ARHGEF11: variants seen among roughly 807,000 people sequenced by gnomAD.
The protein encoded by ARHGEF11 is Rho guanine nucleotide exchange factor 11.
In ARHGEF11, 55 loss-of-function variants were observed where a neutral mutation model predicts 193.7. That is an observed-to-expected ratio of 0.28 (90% CI 0.23 to 0.36). The LOEUF is 0.36. Ranked by LOEUF, ARHGEF11 falls within the 10% of genes least tolerant of loss-of-function variation. The pLI, the probability that ARHGEF11 is intolerant of heterozygous loss-of-function variation, is 1.00. For synonymous variants in ARHGEF11, 693 were observed against 768.0 expected, an observed-to-expected ratio of 0.90 and a Z score of 1.62; for missense variants, 1,723 against 2,005.6, an observed-to-expected ratio of 0.86 and a Z score of 2.69.
chr1:156,938,727 T>C lies in ARHGEF11; in HGVS notation c.4097-214A>G, dbSNP rs1571129389. 4 of 507,988 alleles carry C rather than the reference T, an allele frequency of 7.9e-6. No homozygotes were observed. In the East Asian group the frequency reaches 9.8e-5, roughly 13 times the overall value. The allele number at this position is 507,988 out of a possible 1,614,324, so 31.5% of individuals were successfully genotyped here. A position where few individuals can be genotyped will look rare whatever the true frequency, so the allele number is the denominator to read the frequency against. ...CGAGAGACAGAGAAGGAAGGTCAGTTCCCAGAAACCCAGGAGACAGGTGGC... is the reference window on the plus strand; with the variant it reads ...CGAGAGACAGAGAAGGAAGGTCAGTCCCCAGAAACCCAGGAGACAGGTGGC... On this transcript the variant is annotated intron_variant, in intron 37 of 40. Transcript: ENST00000368194.
Position 156,944,111 on chromosome 1 carries a change from G to A in ARHGEF11, c.3068-9C>T, listed in dbSNP as rs755590829. On this transcript the variant is annotated splice_polypyrimidine_tract_variant and intron_variant, in intron 31 of 40. Transcript: ENST00000368194. The stretch of plus-strand genomic sequence containing the variant: ...CAGCAGCACGTGGAGGTCTGGAGGG[G>A]TATGGTCATGGGAAGGTGTTCCCTG... The A allele has an allele frequency of 1.2e-6, 2 of 1,612,418 alleles. No individual in the cohort carries two copies. Among genetic ancestry groups the A allele is most frequent in the Admixed American group, 3.3e-5 (2 of 59,870 alleles).
rs1658192502 is a variant in ARHGEF11 at position 156,946,689 on chromosome 1, C to T, written c.2667G>A (p.Lys889=). The T allele has an allele frequency of 1.9e-6, 3 of 1,614,210 alleles. No individual in the cohort carries two copies. The highest frequency in any genetic ancestry group is 2.5e-6 in the Non-Finnish European group (3 of 1,180,046). The change falls in exon 28 of 41, where the codon AAG becomes AAA. Residue 889 remains lysine, a synonymous_variant. Coordinates refer to ENST00000368194, the MANE Select transcript of ARHGEF11 (RefSeq NM_198236.3). ...ALELIKTKQR[K]ESRFQLFMQE... Reference sequence around the variant, plus strand: ...GCATGAAGAGCTGGAATCGACTCTCCTTGCGTTGCTTGGTCTTGATTAGCT... The same window carrying T: ...GCATGAAGAGCTGGAATCGACTCTCTTTGCGTTGCTTGGTCTTGATTAGCT...
intron 1 of ARHGEF11, among the ~76,000 whole-genome samples, chr1:157,039,204 A>G (rs1288787281): frequency 6.6e-6 from 1 of 152,200 alleles, no homozygotes; most frequent in Non-Finnish European, 1.5e-5. Context: ...AAAGCCAGAC[A>G]ATGATTTCTG....
At chr1:157,007,913 G>T (rs74116950) in intron 1 of ARHGEF11, among the ~76,000 whole-genome samples, 1,246 of 118,026 alleles carry the variant, frequency 0.011, 4 homozygotes, top group East Asian at 0.035. Flanking sequence ...TTTTTTTTTT[G>T]TTTTTTTTTT....
At position 156,968,087 on chromosome 1, in the gene ARHGEF11, C is replaced by T; in HGVS notation, c.863G>A (p.Gly288Glu). The change falls in exon 11 of 41, where the codon GGG becomes GAG. Residue 288 changes from glycine to glutamate, a missense_variant. Physicochemically the swap from Gly to Glu is moderately conservative, Grantham distance 98 (BLOSUM62 -2). This residue lies in a region of ARHGEF11 where 646 missense variants were observed against 710.7 expected (regional missense o/e 0.91). Transcript: ENST00000368194. ...MNRNSVLSDP[G>E]LDSPRTSPVI... ...AGGGGAGGTTCGAGGACTGTCTAGC[C>T]CAGGGTCTGACAGTACCGAGTTCCG... 2.5e-6 allele frequency: 4 copies of T among 1,613,984 alleles called. No individual in the cohort carries two copies. Among genetic ancestry groups the T allele is most frequent in the Non-Finnish European group, 2.5e-6 (3 of 1,179,920 alleles).
At chr1:156,962,146 C>T (rs945927927) in intron 13 of ARHGEF11, among the ~76,000 whole-genome samples, 2 of 152,156 alleles carry the variant, frequency 1.3e-5, no homozygotes, top group Non-Finnish European at 2.9e-5. Context: ...TGCTGGTTTA[C>T]GTCTTGTTTC....
At chr1:156,981,074 G>T (rs1664103709) in intron 3 of ARHGEF11, among the ~76,000 whole-genome samples, 1 of 151,852 alleles carries the variant, frequency 6.6e-6, no homozygotes, top group African/African-American at 2.4e-5. Context: ...TGTAGCCCAA[G>T]CTGGAGTGCA....
At position 156,937,340 on chromosome 1, in the gene ARHGEF11, G is replaced by A. The variant is rs202063053; in HGVS notation, c.4349C>T (p.Pro1450Leu). 44 of 1,613,604 alleles carry A rather than the reference G, an allele frequency of 2.7e-5. No homozygotes were observed. In the Admixed American group the frequency reaches 4.3e-4, roughly 16 times the overall value. ...LQGGNDDPRR[P>L]SRSPPSLALR... is the part of the protein sequence containing the mutation. ...GGCCAGGCTTGGAGGAGAGCGGCTG[G>A]GGCGTCTTGGATCATCGTTGCCTCC... Residue 1450 changes from proline (P) to leucine (L), a missense_variant, in exon 39 of 41, where the codon CCC (proline) becomes CTC (leucine). This residue lies in a region of ARHGEF11 where 360 missense variants were observed against 344.4 expected (regional missense o/e 1.05). Transcript: ENST00000368194.
intron 13 of ARHGEF11, 101 bp downstream of exon 13, chr1:156,963,102 T>C: frequency 3.4e-6 from 3 of 883,274 alleles, no homozygotes; most frequent in South Asian, 1.5e-5. Flanking sequence ...ACTGTGCCCA[T>C]GGATCTGACT....
At chr1:157,010,476 C>CA (rs2102780694) in intron 1 of ARHGEF11, among the ~76,000 whole-genome samples, 1 of 152,278 alleles carries the variant, frequency 6.6e-6, no homozygotes, top group South Asian at 2.1e-4. Context: ...GGCTGTAGTG[C>CA]AGTTGTGTGA....
At chr1:157,026,457 G>A (rs994855604) in intron 1 of ARHGEF11, among the ~76,000 whole-genome samples, 9 of 152,256 alleles carry the variant, frequency 5.9e-5, no homozygotes, top group Admixed American at 1.3e-4. Flanking sequence ...GACCATGTGA[G>A]GAAAACAAAG....
intron 11 of ARHGEF11, 59 bp from the exon 12 acceptor site, chr1:156,963,653 A>G (rs897381723): frequency 2.8e-5 from 45 of 1,584,812 alleles, no homozygotes; most frequent in Non-Finnish European, 3.8e-5. Context: ...GGATTCAACC[A>G]CCTCAGTGAA....
chr1:157,046,783 G>C (rs1001209015), upstream of ARHGEF11, among the ~76,000 whole-genome samples: 1 of 152,146 alleles, frequency 6.6e-6, no homozygotes, highest in Admixed American at 6.5e-5. Flanking sequence ...TTAAGGCCGA[G>C]GCGGGGCCTG....
In ARHGEF11 at chr1:156,978,206, G is replaced by A; in HGVS notation, c.508C>T (p.Gln170Ter). ...AAGAAAGCCAGGAGGATTATTACCTGCAGAGGTTTGGGTCCTGTGATGCGT... is the reference window on the plus strand; with the variant it reads ...AAGAAAGCCAGGAGGATTATTACCTACAGAGGTTTGGGTCCTGTGATGCGT... ...PQRITGPKPLQDPEVQKHATQ... is the reference protein window; with the variant it reads ...PQRITGPKPL Residue 170 changes from glutamine to a stop codon, truncating the protein, a stop_gained and splice_region_variant, in exon 6 of 41, where the codon CAG (glutamine) becomes TAG (stop). Coordinates refer to ENST00000368194, the MANE Select transcript of ARHGEF11 (RefSeq NM_198236.3). LOFTEE classifies it high-confidence loss of function. 6.2e-7 allele frequency: 1 copy of A among 1,614,180 alleles called. No homozygotes were observed. The highest frequency in any genetic ancestry group is 2.2e-5 in the East Asian group (1 of 44,886).
At chr1:156,939,215 A>G in intron 37 of ARHGEF11, 1 of 324,576 alleles carries the variant, frequency 3.1e-6, no homozygotes, top group South Asian at 3.0e-5. Flanking sequence ...ACAGGAGATC[A>G]GTGAGGAGCA....
chr1:156,942,849 G>C (rs1309711230), intron 32 of ARHGEF11, 69 bp from the exon 33 acceptor site: 6 of 1,351,734 alleles, frequency 4.4e-6, no homozygotes, highest in Non-Finnish European at 6.3e-6. Flanking sequence ...CCTGGGCCAG[G>C]GTGACAGAGT....
chr1:156,959,342 A>G (rs1444083089), intron 15 of ARHGEF11, among the ~76,000 whole-genome samples, 200 bp from the exon 16 acceptor site: 1 of 152,222 alleles, frequency 6.6e-6, no homozygotes, highest in Non-Finnish European at 1.5e-5. Flanking sequence ...GCTGATATCT[A>G]AAGTCCAAGG....
At chr1:156,937,159 C>T in intron 39 of ARHGEF11, 90 bp downstream of exon 39, 2 of 1,586,870 alleles carry the variant, frequency 1.3e-6, no homozygotes, top group Non-Finnish European at 1.7e-6. Flanking sequence ...GGATCTAGGG[C>T]TCCCGCGAAG....
intron 1 of ARHGEF11, among the ~76,000 whole-genome samples, chr1:157,007,408 T>G (rs1421353985): frequency 6.6e-6 from 1 of 152,164 alleles, no homozygotes. Flanking sequence ...GTACAGATTC[T>G]AAGCCAGCCA....
Sources: gnomAD v4.1 joint callset for allele counts (sites outside exome capture counted in the v4.1 genomes callset) on GRCh38, gnomAD v4.1.1 for gene constraint, gnomAD v4.1.1 regional missense constraint, MANE v1.5 for transcripts, NCBI Gene and HGNC (gene_info 2026-07-23, HGNC 2026-07-21) for gene names.